NTM: variants seen among roughly 807,000 people sequenced by gnomAD.
NTM encodes neurotrimin.
NTM carries 13 observed loss-of-function variants against 42.1 expected under a neutral mutation model. The ratio of observed to expected loss-of-function variants is 0.31; its 90% CI spans 0.20 to 0.49. NTM has a LOEUF of 0.49. Among genes scored for constraint, NTM ranks in the 20% least tolerant of loss-of-function variants. The pLI, the probability that NTM is intolerant of heterozygous loss-of-function variation, is 0.99. For synonymous variants in NTM, 187 were observed against 179.2 expected (o/e 1.04, Z -0.35); for missense variants, 373 against 452.8 (o/e 0.82, Z 1.60).
chr11:131,578,775 G>A (rs764297051), intron 1 of NTM, among the ~76,000 whole-genome samples: 2 of 152,134 alleles, frequency 1.3e-5, no homozygotes, highest in Non-Finnish European at 2.9e-5. Context: ...GTTCCCTTAT[G>A]CTTATGTAGT....
intron 4 of NTM, chr11:132,284,405 T>A (rs1468078968): frequency 6.6e-6 from 1 of 152,322 alleles, no homozygotes; most frequent in Non-Finnish European, 1.5e-5. Flanking sequence ...TGCATCTCTG[T>A]GTCCTGATCT....
At chr11:131,987,158 A>T (rs1593430781) in intron 2 of NTM, among the ~76,000 whole-genome samples, 1 of 152,310 alleles carries the variant, frequency 6.6e-6, no homozygotes, top group East Asian at 1.9e-4. Context: ...TATTTGTCTA[A>T]AGTTGTATAA....
At chr11:131,826,678 T>A (rs528348712) in intron 1 of NTM, among the ~76,000 whole-genome samples, 1 of 152,106 alleles carries the variant, frequency 6.6e-6, no homozygotes, top group South Asian at 2.1e-4. Flanking sequence ...GAGGAATTTT[T>A]TCATTTGATA....
chr11:132,183,345 T>C (rs2077873669), intron 3 of NTM, among the ~76,000 whole-genome samples: 1 of 152,154 alleles, frequency 6.6e-6, no homozygotes, highest in Non-Finnish European at 1.5e-5. Context: ...TTTGAGGGCC[T>C]GGACTCTTGA....
intron 1 of NTM, among the ~76,000 whole-genome samples, chr11:131,531,212 T>A (rs1014518081): frequency 4.6e-5 from 7 of 152,198 alleles, no homozygotes; most frequent in African/African-American, 1.7e-4. Context: ...TATGGCTCAC[T>A]GCAGCCTTGA....
At chr11:131,417,653 G>A (rs1328712181) in intron 1 of NTM, among the ~76,000 whole-genome samples, 2 of 152,076 alleles carry the variant, frequency 1.3e-5, no homozygotes, top group Non-Finnish European at 2.9e-5. Flanking sequence ...TTTAATTGAG[G>A]TGTTCAGTTT....
intron 2 of NTM, among the ~76,000 whole-genome samples, chr11:132,020,631 G>GAA (rs35160814): frequency 2.1e-4 from 32 of 151,298 alleles, no homozygotes; most frequent in African/African-American, 6.1e-4. Flanking sequence ...CCTCATATTT[G>GAA]AAAAAAAAGG....
At chr11:131,982,147 G>C (rs752836362) in intron 2 of NTM, among the ~76,000 whole-genome samples, 1 of 152,092 alleles carries the variant, frequency 6.6e-6, no homozygotes, top group Non-Finnish European at 1.5e-5. Flanking sequence ...ATCTGCCCAA[G>C]GGGAAAAGTC....
intron 1 of NTM, among the ~76,000 whole-genome samples, chr11:131,807,195 T>G (rs1021121597): frequency 6.6e-6 from 1 of 152,144 alleles, no homozygotes; most frequent in Non-Finnish European, 1.5e-5. Flanking sequence ...ACTGAGAATA[T>G]GAATTTGTCC....
At chr11:131,401,987 G>C (rs1013231093) in intron 1 of NTM, among the ~76,000 whole-genome samples, 2 of 150,508 alleles carry the variant, frequency 1.3e-5, no homozygotes, top group Non-Finnish European at 3.0e-5. Context: ...TCAAAGTCTT[G>C]GCAGAAGACA....
At chr11:132,030,802 T>G (rs1565984442) in intron 2 of NTM, among the ~76,000 whole-genome samples, 1 of 152,116 alleles carries the variant, frequency 6.6e-6, no homozygotes, top group Non-Finnish European at 1.5e-5. Flanking sequence ...AGAGAGATAG[T>G]GGGAAGCTAG....
chr11:131,973,725 G>A (rs7945690), intron 2 of NTM, among the ~76,000 whole-genome samples: 78,372 of 151,690 alleles, frequency 0.52, 20,361 homozygotes, highest in East Asian at 0.59. Context: ...GCCAAGGCAG[G>A]AGAATCGCTT....
At chr11:132,266,391 G>A (rs1022377167) in intron 4 of NTM, among the ~76,000 whole-genome samples, 4 of 152,166 alleles carry the variant, frequency 2.6e-5, no homozygotes, top group Admixed American at 2.0e-4. Flanking sequence ...GGCATCTGAG[G>A]CCGCCTCATT....
chr11:131,711,241 G>A (rs536526948), intron 1 of NTM, among the ~76,000 whole-genome samples: 34 of 151,996 alleles, frequency 2.2e-4, no homozygotes, highest in Non-Finnish European at 3.8e-4. Context: ...TCTGACAAAG[G>A]GCTAATATCC....
chr11:132,313,040 G>C (rs963209838), intron 6 of NTM, among the ~76,000 whole-genome samples: 5 of 152,192 alleles, frequency 3.3e-5, no homozygotes, highest in African/African-American at 1.2e-4. Flanking sequence ...CAGATGTTGG[G>C]TGAGAACTCC....
At chr11:131,462,950 T>TG (rs1330694004) in intron 1 of NTM, among the ~76,000 whole-genome samples, 7 of 144,884 alleles carry the variant, frequency 4.8e-5, no homozygotes, top group African/African-American at 1.6e-4. Context: ...TATCTACTCA[T>TG]GAAAAAAAAA....
chr11:131,542,821 G>A (rs1287440544), intron 1 of NTM, among the ~76,000 whole-genome samples: 3 of 152,162 alleles, frequency 2.0e-5, no homozygotes, highest in African/African-American at 7.2e-5. Flanking sequence ...GTGCAGCCTG[G>A]CTCTTTGTCA....
intron 1 of NTM, among the ~76,000 whole-genome samples, chr11:131,424,616 T>TTTTTTTTTTTTTTTTTTTTC (rs1947906999): frequency 7.0e-6 from 1 of 143,752 alleles, no homozygotes; most frequent in African/African-American, 2.6e-5. Context: ...TTTTTTTTTT[T>TTTTTTTTTTTTTTTTTTTTC]TTGGCGCAAT....
chr11:132,108,821 G>T (rs188993364), intron 2 of NTM, among the ~76,000 whole-genome samples: 1 of 151,980 alleles, frequency 6.6e-6, no homozygotes, highest in Non-Finnish European at 1.5e-5. Context: ...CATCATCTAC[G>T]TTAGATATTT....
Sources: allele counts gnomAD v4.1 joint callset (sites outside exome capture counted in the v4.1 genomes callset), GRCh38; gene constraint gnomAD v4.1.1; transcripts MANE v1.5; gene names NCBI Gene and HGNC (gene_info 2026-07-23, HGNC 2026-07-21).